Variants in OSBP2 observed in about 807,000 individuals in gnomAD.
OSBP2 encodes the protein oxysterol-binding protein 2.
OSBP2 carries 66 observed loss-of-function variants against 96.0 expected under a neutral mutation model. The ratio of observed to expected loss-of-function variants is 0.69; its 90% confidence interval spans 0.56 to 0.84. The LOEUF is 0.84. Ranked by LOEUF, OSBP2 falls within the 40% of genes least tolerant of loss-of-function variation. The probability of loss-of-function intolerance (pLI) is 0.00; values close to 1 mark genes in which losing one functional copy is unlikely to be tolerated. For missense variants in OSBP2, 1,038 were observed against 1,222.7 expected (o/e 0.85, Z 2.25); for synonymous variants, 525 against 520.9 (o/e 1.01, Z -0.11).
In OSBP2 at chr22:30,889,433, G is replaced by T. The variant is rs1028365568; in HGVS notation, c.1477-57G>T. On this transcript the variant is annotated intron_variant, in intron 6 of 13. Transcript: ENST00000332585. ...CAGGGTGGAGGGCAGAAACTTGGAA[G>T]CCAAGGGGGCGCTCTGGCCTCTGCT... The T allele has an allele frequency of 1.7e-5, 28 of 1,603,230 alleles. No individual in the cohort carries two copies. The African/African-American group carries it at 3.3e-4, about 19-fold the overall frequency.
Position 30,858,401 on chromosome 22 carries a change from C to G in OSBP2, c.854-12028C>G, listed in dbSNP as rs181523621. Among the ~76,000 whole-genome samples, 702 of 151,636 alleles carry G rather than the reference C, an allele frequency of 4.6e-3. 8 individuals are homozygous for G. The highest frequency in any genetic ancestry group is 0.016 in the African/African-American group (647 of 41,288). On this transcript the variant is annotated intron_variant, in intron 2 of 13. Coordinates refer to ENST00000332585, the MANE Select transcript of OSBP2 (RefSeq NM_030758.4). Reference sequence around the variant, plus strand: ...GACCTCATGATCCACCCACCTCGGCCTCCCAAAGTGCTGGGATTACAGGTG... The same window carrying G: ...GACCTCATGATCCACCCACCTCGGCGTCCCAAAGTGCTGGGATTACAGGTG...
chr22:30,856,206 C>G (rs1480507167), intron 2 of OSBP2, among the ~76,000 whole-genome samples: 1 of 152,034 alleles, frequency 6.6e-6, no homozygotes, highest in Non-Finnish European at 1.5e-5. Context: ...TACCCCTATA[C>G]CCCTTCACCC....
chr22:30,795,895 C>T lies in OSBP2; in HGVS notation c.853+54526C>T, dbSNP rs2090753629. Among the ~76,000 whole-genome samples the T allele has an allele frequency of 2.6e-5, 4 of 152,296 alleles. No homozygotes were observed. In the South Asian group the frequency reaches 8.3e-4, roughly 32 times the overall value. ...TGATTATTTGTATAGATTTCCAATTCTGTTGAAATGCTCCATGTATTCATC... is the reference window on the plus strand; with the variant it reads ...TGATTATTTGTATAGATTTCCAATTTTGTTGAAATGCTCCATGTATTCATC... On this transcript the variant is annotated intron_variant, in intron 2 of 13. Coordinates refer to ENST00000332585, the MANE Select transcript of OSBP2 (RefSeq NM_030758.4).
intron 2 of OSBP2, among the ~76,000 whole-genome samples, chr22:30,773,418 C>T (rs1274795223): frequency 6.6e-6 from 1 of 152,116 alleles, no homozygotes. Context: ...GGAAAGAGTG[C>T]TATACAACTC....
At chr22:30,800,850 G>A (rs1378190258) in intron 2 of OSBP2, among the ~76,000 whole-genome samples, 1 of 152,092 alleles carries the variant, frequency 6.6e-6, no homozygotes, top group Non-Finnish European at 1.5e-5. Context: ...ATCTTTTGGG[G>A]TCTTCAATTT....
intron 2 of OSBP2, among the ~76,000 whole-genome samples, chr22:30,791,782 T>G (rs1375825126): frequency 6.6e-6 from 1 of 152,098 alleles, no homozygotes; most frequent in Non-Finnish European, 1.5e-5. Context: ...AGCTGCAAGA[T>G]AGGAAGGTCA....
chr22:30,737,665 C>T (rs1214397017), intron 1 of OSBP2, among the ~76,000 whole-genome samples: 1 of 151,926 alleles, frequency 6.6e-6, no homozygotes, highest in African/African-American at 2.4e-5. Context: ...TGTTTCTTTC[C>T]TGATTTTAGG....
At chr22:30,736,446 T>C (rs953239794) in intron 1 of OSBP2, among the ~76,000 whole-genome samples, 5 of 152,230 alleles carry the variant, frequency 3.3e-5, no homozygotes, top group African/African-American at 1.2e-4. Flanking sequence ...TTGGGGCTTC[T>C]GCCCTTGAGT....
At chr22:30,769,060 G>A (rs1192019365) in intron 2 of OSBP2, among the ~76,000 whole-genome samples, 2 of 152,372 alleles carry the variant, frequency 1.3e-5, no homozygotes, top group Admixed American at 6.5e-5. Flanking sequence ...TTTGACTGGA[G>A]ATGGTCATGG....
chr22:30,886,689 A>T (rs1328785032), intron 3 of OSBP2, among the ~76,000 whole-genome samples: 1 of 152,184 alleles, frequency 6.6e-6, no homozygotes, highest in Non-Finnish European at 1.5e-5. Flanking sequence ...GTAAGTCACG[A>T]TATATAGGGC....
At chr22:30,777,766 C>A (rs1212598676) in intron 2 of OSBP2, among the ~76,000 whole-genome samples, 1 of 152,082 alleles carries the variant, frequency 6.6e-6, no homozygotes, top group Admixed American at 6.6e-5. Context: ...GTGATGGCAG[C>A]AGCTGGGGAG....
At chr22:30,817,315 GAGA>G (rs2091094480) in intron 2 of OSBP2, among the ~76,000 whole-genome samples, 1 of 152,210 alleles carries the variant, frequency 6.6e-6, no homozygotes, top group Non-Finnish European at 1.5e-5. Context: ...GACAAACACA[GAGA>G]AGGTCACTGC....
chr22:30,800,414 A>AG (rs1237970257), intron 2 of OSBP2, among the ~76,000 whole-genome samples: 2 of 151,880 alleles, frequency 1.3e-5, no homozygotes, highest in Non-Finnish European at 2.9e-5. Context: ...GTTGTGAGGG[A>AG]GGAGGAAGGC....
intron 1 of OSBP2, among the ~76,000 whole-genome samples, chr22:30,735,138 G>A (rs142160105): frequency 4.8e-4 from 73 of 152,320 alleles, no homozygotes; most frequent in African/African-American, 1.7e-3. Context: ...GCTGCAGTGA[G>A]CTATGATTGC....
intron 1 of OSBP2, among the ~76,000 whole-genome samples, chr22:30,702,196 A>G (rs137963414): frequency 4.6e-5 from 7 of 152,278 alleles, no homozygotes; most frequent in Admixed American, 2.0e-4. Flanking sequence ...ATCATGGTTC[A>G]GGTCTGCCTT....
intron 1 of OSBP2, among the ~76,000 whole-genome samples, chr22:30,720,049 G>GC (rs2089524059): frequency 6.6e-6 from 1 of 152,186 alleles, no homozygotes; most frequent in African/African-American, 2.4e-5. Flanking sequence ...CTTCTGTTGA[G>GC]CTGAGATAGG....
intron 1 of OSBP2, among the ~76,000 whole-genome samples, chr22:30,724,655 T>G (rs1022679633): frequency 6.6e-6 from 1 of 152,250 alleles, no homozygotes; most frequent in South Asian, 2.1e-4. Flanking sequence ...TTGGCAGTTA[T>G]GAATAAAGCT....
intron 2 of OSBP2, among the ~76,000 whole-genome samples, chr22:30,829,187 C>T (rs1602324458): frequency 6.6e-6 from 1 of 152,190 alleles, no homozygotes; most frequent in Non-Finnish European, 1.5e-5. Context: ...GTTCATTTGG[C>T]GTTCACGGGT....
At chr22:30,898,492 G>T (rs1423577683) in intron 12 of OSBP2, among the ~76,000 whole-genome samples, 1 of 152,146 alleles carries the variant, frequency 6.6e-6, no homozygotes, top group Admixed American at 6.5e-5. Flanking sequence ...TCACAGTTCT[G>T]CCTGATTGAT....
Sources: gnomAD v4.1 joint callset for allele counts (sites outside exome capture counted in the v4.1 genomes callset) on GRCh38, gnomAD v4.1.1 for gene constraint, MANE v1.5 for transcripts, NCBI Gene and HGNC (gene_info 2026-07-23, HGNC 2026-07-21) for gene names.